Variants in SLC4A5 observed in about 807,000 individuals in gnomAD.
SLC4A5 encodes solute carrier family 4 member 5.
SLC4A5 carries 96 observed loss-of-function variants against 120.4 expected under a neutral mutation model. The observed-to-expected ratio is 0.80, with a 90% CI of 0.68 to 0.94. The LOEUF is 0.94. Ranked by LOEUF, SLC4A5 falls within the 40% of genes least tolerant of loss-of-function variation. SLC4A5 has a pLI of 0.00. For missense variants in SLC4A5, 1,259 were observed against 1,459.5 expected, an observed-to-expected ratio of 0.86 and a Z score of 2.24; for synonymous variants, 550 against 571.1, an observed-to-expected ratio of 0.96 and a Z score of 0.53.
At chr2:74,323,466 G>C (rs546904884) in intron 5 of SLC4A5, among the ~76,000 whole-genome samples, 5 of 152,234 alleles carry the variant, frequency 3.3e-5, no homozygotes, top group Admixed American at 6.5e-5. Context: ...AGATGCAGGA[G>C]AGAGTGGATA....
intron 8 of SLC4A5, among the ~76,000 whole-genome samples, chr2:74,274,234 C>T (rs975093706): frequency 1.1e-4 from 16 of 152,250 alleles, no homozygotes; most frequent in Non-Finnish European, 2.2e-4. Flanking sequence ...GCCCAGCAGG[C>T]GGAAGTTACA....
chr2:74,284,717 T>C (rs1404325210), intron 8 of SLC4A5, among the ~76,000 whole-genome samples: 2 of 152,092 alleles, frequency 1.3e-5, no homozygotes, highest in Admixed American at 1.3e-4. Flanking sequence ...CAAGGCCCCT[T>C]TGTCACAGGC....
intron 19 of SLC4A5, among the ~76,000 whole-genome samples, chr2:74,242,652 C>T (rs8179526): frequency 0.45 from 68,311 of 151,910 alleles, 15,689 homozygotes; most frequent in Middle Eastern, 0.48. Context: ...GCCCTGTTCA[C>T]CTCCACAGAT....
At chr2:74,284,208 C>T (rs1209363621) in intron 8 of SLC4A5, among the ~76,000 whole-genome samples, 10 of 61,726 alleles carry the variant, frequency 1.6e-4, no homozygotes, top group Admixed American at 1.3e-3. Context: ...CTCGCTCTGT[C>T]GCCCAGGTCG....
chr2:74,227,703 G>A lies in SLC4A5; in HGVS notation c.2916+107C>T, dbSNP rs150366524. On this transcript the variant is annotated intron_variant, in intron 26 of 30. Coordinates refer to ENST00000394019, the Ensembl canonical transcript of SLC4A5. ...TACTATTATTCTTTCATTGAATTAGGACAATTGGGGACAATTGGGACAACT... is the reference window on the plus strand; with the variant it reads ...TACTATTATTCTTTCATTGAATTAGAACAATTGGGGACAATTGGGACAACT... 1.0e-4 allele frequency: 119 copies of A among 1,157,536 alleles called. 1 individual carries two copies. The East Asian group carries it at 2.9e-3, about 28-fold the overall frequency. The allele number at this position is 1,157,536 out of a possible 1,614,324, so 71.7% of individuals were successfully genotyped here. A position where few individuals can be genotyped will look rare whatever the true frequency, so the allele number is the denominator to read the frequency against.
At position 74,278,952 on chromosome 2, in the gene SLC4A5, C is replaced by T. The variant is rs143296190; in HGVS notation, c.401+6821G>A. ...ACAGTCGCTTTTCCACCCCACCTGT[C>T]TCCTCAAACCACAGACCGGCCTGGA... On this transcript the variant is annotated intron_variant, in intron 8 of 30. Transcript: ENST00000394019. Among the ~76,000 whole-genome samples the T allele has an allele frequency of 5.9e-5, 9 of 152,332 alleles. No homozygotes were observed. The East Asian group carries it at 1.7e-3, about 29-fold the overall frequency.
intron 11 of SLC4A5, 48 bp downstream of exon 11, chr2:74,262,089 G>A: frequency 6.4e-7 from 1 of 1,563,908 alleles, no homozygotes; most frequent in Non-Finnish European, 8.8e-7. Flanking sequence ...TGTCACAGCT[G>A]CCACAGCCTG....
chr2:74,304,819 T>C (rs1573082511), intron 6 of SLC4A5, 139 bp from the exon 7 acceptor site: 14 of 814,722 alleles, frequency 1.7e-5, no homozygotes, highest in South Asian at 7.6e-5. Context: ...GTCATTGCCC[T>C]GAGGCTTGGG....
intron 21 of SLC4A5, 89 bp from the exon 22 acceptor site, chr2:74,235,303 A>G (rs1405680095): frequency 6.5e-5 from 59 of 908,902 alleles, no homozygotes; most frequent in East Asian, 1.0e-4. Flanking sequence ...CAAAGAGGTG[A>G]ACTATTACAG....
Position 74,315,062 on chromosome 2 carries a change from C to G in SLC4A5, c.-2-37G>C, listed in dbSNP as rs758758758. 6 of 1,519,020 alleles carry G rather than the reference C, an allele frequency of 3.9e-6. No homozygotes were observed. In the East Asian group the frequency reaches 1.4e-4, roughly 34 times the overall value. The allele number at this position is 1,519,020 out of a possible 1,614,324, so 94.1% of individuals were successfully genotyped here. ...AAGGAACACAGCCTCAAAATGTATA[C>G]ATTAAAAAGGGTAGGATTTCAAGGA... is the stretch of plus-strand genomic sequence containing the variant. On this transcript the variant is annotated intron_variant, in intron 5 of 30. Coordinates refer to ENST00000394019, the Ensembl canonical transcript of SLC4A5.
intron 2 of SLC4A5, among the ~76,000 whole-genome samples, chr2:74,340,828 G>C (rs1001282856): frequency 1.3e-5 from 2 of 152,082 alleles, no homozygotes. Context: ...CATCCACCAC[G>C]GGCCTCTGTT....
intron 24 of SLC4A5, among the ~76,000 whole-genome samples, chr2:74,231,652 A>G (rs1392189170): frequency 6.6e-6 from 1 of 152,240 alleles, no homozygotes; most frequent in East Asian, 1.9e-4. Flanking sequence ...CTTGAGCCTC[A>G]GTATATGCAG....
At chr2:74,281,287 G>A (rs1671805378) in intron 8 of SLC4A5, among the ~76,000 whole-genome samples, 1 of 152,252 alleles carries the variant, frequency 6.6e-6, no homozygotes, top group African/African-American at 2.4e-5. Context: ...GCTCTTGGGA[G>A]GCGCTAAGCT....
chr2:74,225,083 C>A, intron 27 of SLC4A5, 88 bp from the exon 28 acceptor site: 1 of 1,331,472 alleles, frequency 7.5e-7, no homozygotes. Flanking sequence ...TTTTTTCTCC[C>A]TCAGTCGGCT....
intron 25 of SLC4A5, among the ~76,000 whole-genome samples, chr2:74,229,116 T>TTTTTTTTTTTTTTTTTTTTTTG (rs1553451209): frequency 1.5e-5 from 2 of 136,464 alleles, no homozygotes; most frequent in African/African-American, 2.9e-5. Flanking sequence ...TTTTTTTTTT[T>TTTTTTTTTTTTTTTTTTTTTTG]CTTGAGACAG....
chr2:74,291,897 C>A (rs750072003), intron 7 of SLC4A5, among the ~76,000 whole-genome samples: 37 of 152,222 alleles, frequency 2.4e-4, no homozygotes, highest in Non-Finnish European at 5.0e-4. Context: ...TGAGTGGCCA[C>A]AGCAGGCCAC....
chr2:74,269,367 G>A (rs553904015), intron 8 of SLC4A5, among the ~76,000 whole-genome samples: 6 of 144,774 alleles, frequency 4.1e-5, no homozygotes, highest in South Asian at 2.2e-4. Flanking sequence ...CACCAGGCCC[G>A]GCTGTTTGTT....
intron 19 of SLC4A5, among the ~76,000 whole-genome samples, chr2:74,246,313 G>A (rs1258708620): frequency 6.6e-6 from 1 of 152,140 alleles, no homozygotes; most frequent in African/African-American, 2.4e-5. Flanking sequence ...CAAGGGGGCC[G>A]AGAACTCCCA....
intron 8 of SLC4A5, among the ~76,000 whole-genome samples, chr2:74,273,160 C>A (rs966733640): frequency 3.3e-5 from 5 of 152,202 alleles, no homozygotes; most frequent in African/African-American, 1.2e-4. Flanking sequence ...GATGATAAAA[C>A]AACAGGCTGC....
Sources: gnomAD v4.1 joint callset for allele counts (sites outside exome capture counted in the v4.1 genomes callset) on GRCh38, gnomAD v4.1.1 for gene constraint, MANE v1.5 for transcripts, NCBI Gene and HGNC (gene_info 2026-07-23, HGNC 2026-07-21) for gene names.